USP34: variants seen among roughly 807,000 people sequenced by gnomAD.
The protein encoded by USP34 is ubiquitin specific peptidase 34.
USP34 carries 70 observed loss-of-function variants against 460.3 expected under a neutral mutation model. The ratio of observed to expected loss-of-function variants is 0.15; its 90% CI spans 0.13 to 0.19. USP34 has a LOEUF of 0.19. USP34 is among the 10% of genes least tolerant of loss of function. The pLI is 1.00. For missense variants in USP34, 3,985 were observed against 4,236.2 expected, an observed-to-expected ratio of 0.94 and a Z score of 1.65; for synonymous variants, 1,647 against 1,405.3, an observed-to-expected ratio of 1.17 and a Z score of -3.85.
At chr2:61,248,225 T>C (rs928107755) in intron 49 of USP34, among the ~76,000 whole-genome samples, 1 of 93,980 alleles carries the variant, frequency 1.1e-5, no homozygotes, top group South Asian at 3.7e-4. Flanking sequence ...AAAAACAACA[T>C]AAAAAGACTT....
At chr2:61,280,459 T>A in intron 38 of USP34, 111 bp from the exon 39 acceptor site, 1 of 476,316 alleles carries the variant, frequency 2.1e-6, no homozygotes, top group Non-Finnish European at 3.5e-6. Flanking sequence ...CACTAAACAG[T>A]ATTCAAAATC....
intron 29 of USP34, among the ~76,000 whole-genome samples, chr2:61,297,686 G>T (rs530780847): frequency 1.3e-5 from 2 of 152,274 alleles, no homozygotes; most frequent in South Asian, 2.1e-4. Flanking sequence ...CCTATAAAAA[G>T]AAACTTAGTT....
intron 75 of USP34, among the ~76,000 whole-genome samples, chr2:61,202,633 G>A (rs528203698): frequency 6.6e-6 from 1 of 152,222 alleles, no homozygotes; most frequent in South Asian, 2.1e-4. Flanking sequence ...CCGTTTTCAA[G>A]TTTCTCTTCT....
chr2:61,205,331 C>T (rs186755537), intron 72 of USP34, among the ~76,000 whole-genome samples: 1 of 152,138 alleles, frequency 6.6e-6, no homozygotes, highest in African/African-American at 2.4e-5. Context: ...ATAAATCTCA[C>T]GATGACAGGC....
At chr2:61,332,576 T>C (rs1208902802) in intron 19 of USP34, among the ~76,000 whole-genome samples, 3 of 151,984 alleles carry the variant, frequency 2.0e-5, no homozygotes, top group Admixed American at 6.6e-5. Context: ...CTGACTATAA[T>C]GACACCTGCT....
At chr2:61,298,572 A>AAAAAAAAAC (rs1690115222) in intron 29 of USP34, among the ~76,000 whole-genome samples, 14 of 130,152 alleles carry the variant, frequency 1.1e-4, no homozygotes, top group South Asian at 2.5e-4. Context: ...AAAAAAAAAA[A>AAAAAAAAAC]TCTGCTGAAA....
intron 43 of USP34, among the ~76,000 whole-genome samples, chr2:61,263,600 G>T: frequency 6.6e-6 from 1 of 151,988 alleles, no homozygotes; most frequent in African/African-American, 2.4e-5. Flanking sequence ...TCCTGCCTCA[G>T]CCTCCCAAAT....
At chr2:61,385,568 A>T (rs1693113583) in intron 5 of USP34, among the ~76,000 whole-genome samples, 1 of 143,524 alleles carries the variant, frequency 7.0e-6, no homozygotes, top group Non-Finnish European at 1.5e-5. Context: ...GCTACTTGGG[A>T]GGCTGAGGCA....
chr2:61,270,667 C>G (rs529136110), intron 41 of USP34, among the ~76,000 whole-genome samples: 1 of 152,254 alleles, frequency 6.6e-6, no homozygotes, highest in East Asian at 1.9e-4. Flanking sequence ...AACTCCTGAG[C>G]TCAAGCAATC....
intron 23 of USP34, 114 bp downstream of exon 23, chr2:61,317,540 C>A (rs1690788972): frequency 1.2e-6 from 1 of 858,054 alleles, no homozygotes; most frequent in South Asian, 1.8e-5. Context: ...ACAAACCCAA[C>A]TGCACTGCAC....
chr2:61,262,116 A>AAT (rs70963406), intron 43 of USP34, among the ~76,000 whole-genome samples: 1,539 of 46,968 alleles, frequency 0.033, 51 homozygotes, highest in Non-Finnish European at 0.045. Context: ...AAAAAAAAAA[A>AAT]ATATATATAT....
intron 1 of USP34, among the ~76,000 whole-genome samples, chr2:61,438,522 C>T (rs1262493690): frequency 6.6e-6 from 1 of 152,022 alleles, no homozygotes; most frequent in Non-Finnish European, 1.5e-5. Flanking sequence ...ACTGCTTGAA[C>T]CTGGGAGGCA....
chr2:61,357,684 T>C (rs1692147724), intron 10 of USP34, among the ~76,000 whole-genome samples: 2 of 152,054 alleles, frequency 1.3e-5, no homozygotes, highest in Non-Finnish European at 2.9e-5. Flanking sequence ...AAAGACTGCT[T>C]TACATCAGAA....
chr2:61,426,675 C>T (rs969604380), intron 1 of USP34, among the ~76,000 whole-genome samples: 2 of 152,208 alleles, frequency 1.3e-5, no homozygotes, highest in Non-Finnish European at 2.9e-5. Context: ...CTGGCTTTGC[C>T]AACTGCTGAT....
At chr2:61,249,495 G>C (rs1361659178) in intron 48 of USP34, among the ~76,000 whole-genome samples, 2 of 152,198 alleles carry the variant, frequency 1.3e-5, no homozygotes, top group African/African-American at 4.8e-5. Context: ...TTCAGACCTT[G>C]CCTGTCTGCA....
At chr2:61,336,118 A>ATT (rs5831604) in intron 18 of USP34, among the ~76,000 whole-genome samples, 30 of 145,916 alleles carry the variant, frequency 2.1e-4, no homozygotes, top group Non-Finnish European at 3.9e-4. Context: ...AGCAAAACAA[A>ATT]TTGTGTGTGT....
intron 48 of USP34, 105 bp from the exon 49 acceptor site, chr2:61,248,788 GAAGTA>G: frequency 1.8e-6 from 2 of 1,109,742 alleles, no homozygotes; most frequent in Non-Finnish European, 2.5e-6. Context: ...TCAGAGTTAA[GAAGTA>G]TAGTAGTTCC....
intron 51 of USP34, among the ~76,000 whole-genome samples, chr2:61,242,458 T>TACACACACACACACACAC (rs67471702): frequency 4.6e-5 from 6 of 129,678 alleles, no homozygotes; most frequent in East Asian, 2.3e-4. Flanking sequence ...AGATAATACA[T>TACACACACACACACACAC]ACACACACAC....
At chr2:61,308,026 G>C (rs1264242249) in intron 27 of USP34, among the ~76,000 whole-genome samples, 1 of 152,100 alleles carries the variant, frequency 6.6e-6, no homozygotes, top group Non-Finnish European at 1.5e-5. Flanking sequence ...TCTAGCCTGG[G>C]TGACAGAGTG....
Sources: allele counts gnomAD v4.1 joint callset (sites outside exome capture counted in the v4.1 genomes callset), GRCh38; gene constraint gnomAD v4.1.1; transcripts MANE v1.5; gene names NCBI Gene and HGNC (gene_info 2026-07-23, HGNC 2026-07-21).